PCDHA8: variants seen among roughly 807,000 people sequenced by gnomAD.
The protein encoded by PCDHA8 is protocadherin alpha 8.
PCDHA8 carries 53 observed loss-of-function variants against 61.8 expected under a neutral mutation model. That is an observed-to-expected ratio of 0.86 (90% CI 0.69 to 1.08). The LOEUF (loss-of-function observed/expected upper bound fraction) is 1.08, where lower values mean the gene tolerates loss of function less well. PCDHA8 is among the 50% of genes least tolerant of loss of function. The pLI is 0.00. For synonymous variants in PCDHA8, 618 were observed against 556.6 expected (o/e 1.11, Z -1.55); for missense variants, 1,293 against 1,245.0 (o/e 1.04, Z -0.58).
intron 1 of PCDHA8, among the ~76,000 whole-genome samples, chr5:140,872,509 C>A (rs1554166234): frequency 6.6e-6 from 1 of 152,076 alleles, no homozygotes; most frequent in Non-Finnish European, 1.5e-5. Flanking sequence ...TGCCTGTAGT[C>A]CCAGTTTCTT....
chr5:141,006,346 G>C (rs2098268580), intron 3 of PCDHA8, among the ~76,000 whole-genome samples: 1 of 151,806 alleles, frequency 6.6e-6, no homozygotes, highest in South Asian at 2.1e-4. Context: ...TGAGTAGCTG[G>C]GACTATAGGC....
Position 140,843,785 on chromosome 5 carries a change from A to G in PCDHA8, c.2394+70A>G. 2 of 1,419,854 alleles carry G rather than the reference A, an allele frequency of 1.4e-6. 1 individual carries two copies. Among genetic ancestry groups the G allele is most frequent in the South Asian group, 2.6e-5 (2 of 76,630 alleles). The allele number at this position is 1,419,854 out of a possible 1,614,324, so 88.0% of individuals were successfully genotyped here. ...ATTGTAGTTACTTTAAAAGTGTTTCAGATTTAGTTTTTCACCGTATTTTAT... is the reference window on the plus strand; with the variant it reads ...ATTGTAGTTACTTTAAAAGTGTTTCGGATTTAGTTTTTCACCGTATTTTAT... On this transcript the variant is annotated intron_variant, in intron 1 of 3. Coordinates refer to ENST00000531613, the MANE Select transcript of PCDHA8 (RefSeq NM_018911.3).
At chr5:140,858,299 C>A in intron 1 of PCDHA8, 1 of 1,597,210 alleles carries the variant, frequency 6.3e-7, no homozygotes, top group Non-Finnish European at 8.6e-7. Flanking sequence ...TTACTCGCAG[C>A]AGAGGCGGCA....
At position 140,845,557 on chromosome 5, in the gene PCDHA8, G is replaced by A. The variant is rs1355762380; in HGVS notation, c.2394+1842G>A. Reference sequence around the variant, plus strand: ...TATTCTAATTATGGTGATGCTTTTAGCTATTAAGAATTTCTGGGATTGAAA... The same window carrying A: ...TATTCTAATTATGGTGATGCTTTTAACTATTAAGAATTTCTGGGATTGAAA... On this transcript the variant is annotated intron_variant, in intron 1 of 3. Transcript: ENST00000531613. Among the ~76,000 whole-genome samples, 5 of 149,294 alleles carry A rather than the reference G, an allele frequency of 3.3e-5. 1 individual carries two copies. The highest frequency in any genetic ancestry group is 1.2e-4 in the African/African-American group (5 of 40,778).
intron 1 of PCDHA8, chr5:140,883,399 T>C (rs143292342): frequency 3.1e-5 from 50 of 1,614,100 alleles, no homozygotes; most frequent in Non-Finnish European, 4.1e-5. Flanking sequence ...TGTCCGATCG[T>C]GACTCTGGCT....
At chr5:140,923,630 G>T (rs1278599561) in intron 1 of PCDHA8, among the ~76,000 whole-genome samples, 1 of 152,106 alleles carries the variant, frequency 6.6e-6, no homozygotes, top group Admixed American at 6.5e-5. Flanking sequence ...TATCCAAAAG[G>T]CAAAAATCTT....
chr5:140,883,995 C>A (rs1371206040), intron 1 of PCDHA8: 2 of 1,612,878 alleles, frequency 1.2e-6, no homozygotes, highest in Non-Finnish European at 8.5e-7. Flanking sequence ...GCGGGAGGCA[C>A]AGTGAGCGAG....
At chr5:140,979,035 G>A in intron 2 of PCDHA8, 28 bp downstream of exon 2, 1 of 1,612,986 alleles carries the variant, frequency 6.2e-7, no homozygotes, top group Non-Finnish European at 8.5e-7. Flanking sequence ...CATTCACTCA[G>A]AAGTAACCTT....
At chr5:140,968,467 A>T in intron 1 of PCDHA8, 1 of 1,614,124 alleles carries the variant, frequency 6.2e-7, no homozygotes, top group East Asian at 2.2e-5. Flanking sequence ...CTGCCAACGT[A>T]TATGTGGTGG....
chr5:140,995,206 G>A (rs1179914547), intron 3 of PCDHA8, among the ~76,000 whole-genome samples: 2 of 151,988 alleles, frequency 1.3e-5, no homozygotes, highest in African/African-American at 2.4e-5. Context: ...TATAAATTAG[G>A]CACAATACTC....
chr5:140,963,873 C>A (rs757553114), intron 1 of PCDHA8, among the ~76,000 whole-genome samples: 5 of 152,188 alleles, frequency 3.3e-5, no homozygotes, highest in Non-Finnish European at 5.9e-5. Flanking sequence ...GTTTTGCTTA[C>A]TATTGTTTTC....
chr5:140,886,996 T>C (rs1554182808), intron 1 of PCDHA8, among the ~76,000 whole-genome samples: 1 of 152,182 alleles, frequency 6.6e-6, no homozygotes, highest in African/African-American at 2.4e-5. Flanking sequence ...AATTTCCAGT[T>C]GGTATCACTT....
chr5:140,863,488 A>G (rs1554158271), intron 1 of PCDHA8: 1 of 451,898 alleles, frequency 2.2e-6, no homozygotes, highest in Admixed American at 2.5e-5. Context: ...CCCAAGGTCA[A>G]CATTACGGCT....
At chr5:140,968,862 G>C (rs375652776) in intron 1 of PCDHA8, 3 of 1,614,126 alleles carry the variant, frequency 1.9e-6, no homozygotes, top group Middle Eastern at 1.7e-4. Context: ...AAGAGCCCTC[G>C]GACATACTCT....
chr5:140,963,301 A>T (rs2095755158), intron 1 of PCDHA8, among the ~76,000 whole-genome samples: 1 of 152,238 alleles, frequency 6.6e-6, no homozygotes, highest in Non-Finnish European at 1.5e-5. Flanking sequence ...GAGAGAAAAT[A>T]AGAAGCTGTT....
chr5:140,981,787 T>C (rs2096951436), intron 2 of PCDHA8, among the ~76,000 whole-genome samples: 1 of 152,116 alleles, frequency 6.6e-6, no homozygotes, highest in Non-Finnish European at 1.5e-5. Flanking sequence ...CCATGTTCTC[T>C]TTTCCCTTGA....
chr5:140,843,109 A>T lies in PCDHA8; in HGVS notation c.1788A>T (p.Ala596=), dbSNP rs2150352812. The T allele has an allele frequency of 1.3e-6, 2 of 1,595,800 alleles. No individual in the cohort carries two copies. ...GAGHVVAKVR[A]VDADSGYNAW... Reference sequence around the variant, plus strand: ...GCCACGTGGTAGCGAAGGTGCGCGCAGTGGACGCCGACTCGGGCTACAACG... The same window carrying T: ...GCCACGTGGTAGCGAAGGTGCGCGCTGTGGACGCCGACTCGGGCTACAACG... The change falls in exon 1 of 4, where the codon GCA becomes GCT. Residue 596 remains alanine (A), a synonymous_variant. Coordinates refer to ENST00000531613, the MANE Select transcript of PCDHA8 (RefSeq NM_018911.3).
chr5:140,857,427 C>G lies in PCDHA8; in HGVS notation c.2394+13712C>G, dbSNP rs781871079. On this transcript the variant is annotated intron_variant, in intron 1 of 3. Coordinates refer to ENST00000531613, the MANE Select transcript of PCDHA8 (RefSeq NM_018911.3). The stretch of plus-strand genomic sequence containing the variant: ...CCTGCGTTCGCGCAGTCCGAGTACA[C>G]GGTGTTCGTGAAGGAGAACAACCCG... 49 of 1,598,334 alleles carry G rather than the reference C, an allele frequency of 3.1e-5. 4 individuals carry two copies. The highest frequency in any genetic ancestry group is 3.9e-5 in the Non-Finnish European group (46 of 1,167,894).
chr5:140,869,600 C>T lies in PCDHA8; in HGVS notation c.2394+25885C>T, dbSNP rs782754801. The stretch of plus-strand genomic sequence containing the variant: ...TCTGATGCTGACATTGAAGAGAATG[C>T]TCTATTGACCTACAGGCTAAGTAAA... On this transcript the variant is annotated intron_variant, in intron 1 of 3. Transcript: ENST00000531613. 1.9e-6 allele frequency: 3 copies of T among 1,613,922 alleles called. No homozygotes were observed. The African/African-American group carries it at 4.0e-5, about 22-fold the overall frequency.
Sources: allele counts gnomAD v4.1 joint callset (sites outside exome capture counted in the v4.1 genomes callset), GRCh38; gene constraint gnomAD v4.1.1; transcripts MANE v1.5; gene names NCBI Gene and HGNC (gene_info 2026-07-23, HGNC 2026-07-21).